The following SLC38A10 variants were observed in gnomAD, a reference collection of about 807,000 sequenced individuals.
The protein encoded by SLC38A10 is solute carrier family 38 member 10.
SLC38A10 carries 53 observed loss-of-function variants against 81.0 expected under a neutral mutation model. The ratio of observed to expected loss-of-function variants is 0.65; its 90% CI spans 0.53 to 0.82. The LOEUF is 0.82. Ranked by LOEUF, SLC38A10 falls within the 40% of genes least tolerant of loss-of-function variation. SLC38A10 has a pLI of 0.00. For missense variants in SLC38A10, 1,471 were observed against 1,545.0 expected, an observed-to-expected ratio of 0.95 and a Z score of 0.80; for synonymous variants, 665 against 655.3, an observed-to-expected ratio of 1.01 and a Z score of -0.23.
chr17:81,254,269 C>CT (rs2062952574), intron 11 of SLC38A10, among the ~76,000 whole-genome samples: 1 of 152,230 alleles, frequency 6.6e-6, no homozygotes, highest in South Asian at 2.1e-4. Flanking sequence ...ATTAGCTTAG[C>CT]TTTCTACCAG....
chr17:81,246,526 T>G lies in SLC38A10; in HGVS notation c.2390A>C (p.Asp797Ala). The change falls in exon 16 of 16, where the codon GAC becomes GCC. Residue 797 changes from aspartate (D) to alanine (A), a missense_variant. Asp to Ala is a moderately radical substitution (Grantham distance 126, BLOSUM62 -2). Transcript: ENST00000374759. ...APGGRPAPSQDLNQRSLEHSE... is the reference protein window; with the variant it reads ...APGGRPAPSQALNQRSLEHSE... ...GTGCTCCAGGGAGCGCTGGTTAAGG[T>G]CCTGGGATGGAGCAGGGCGGCCCCC... 1 of 1,525,176 alleles carries G rather than the reference T, an allele frequency of 6.6e-7. No homozygotes were observed. The highest frequency in any genetic ancestry group is 8.8e-7 in the Non-Finnish European group (1 of 1,138,592). 94.5% of individuals were successfully genotyped at this position (1,525,176 alleles called of 1,614,324 possible). A position where few individuals can be genotyped will look rare whatever the true frequency, so the allele number is the denominator to read the frequency against.
intron 4 of SLC38A10, 46 bp from the exon 5 acceptor site, chr17:81,282,378 C>A: frequency 6.4e-7 from 1 of 1,564,952 alleles, no homozygotes; most frequent in South Asian, 1.2e-5. Flanking sequence ...CGTGCCTGCT[C>A]ACCACCGGGC....
At chr17:81,257,461 T>A (rs906291220) in intron 11 of SLC38A10, among the ~76,000 whole-genome samples, 1 of 152,180 alleles carries the variant, frequency 6.6e-6, no homozygotes, top group African/African-American at 2.4e-5. Context: ...TAATTTTGTG[T>A]CATGTTTCTG....
intron 4 of SLC38A10, among the ~76,000 whole-genome samples, chr17:81,282,944 G>A (rs1171831515): frequency 6.6e-6 from 1 of 152,202 alleles, no homozygotes; most frequent in African/African-American, 2.4e-5. Context: ...CCCCGGCAGC[G>A]AGGGAAAGGT....
At position 81,276,185 on chromosome 17, in the gene SLC38A10, C is replaced by T; in HGVS notation, c.730-34G>A. On this transcript the variant is annotated intron_variant, in intron 7 of 15. Coordinates refer to ENST00000374759, the MANE Select transcript of SLC38A10 (RefSeq NM_001037984.3). This position sits in a 1 kb window ranked among gnomAD's most constrained non-coding sequence, Gnocchi z 4.7. ...GAATAAGAAATGGCAACGTGGCAGA[C>T]AGACATCCTAGCCGAGTGGCACCTG... is the stretch of plus-strand genomic sequence containing the variant. The T allele has an allele frequency of 1.3e-6, 2 of 1,572,560 alleles. No homozygotes were observed. The highest frequency in any genetic ancestry group is 1.7e-6 in the Non-Finnish European group (2 of 1,157,566).
chr17:81,271,154 A>G, intron 9 of SLC38A10, 130 bp from the exon 10 acceptor site: 1 of 724,952 alleles, frequency 1.4e-6, no homozygotes, highest in Middle Eastern at 2.5e-4. Flanking sequence ...GTGAGCCGGG[A>G]GCAGAGACGC....
chr17:81,287,524 CA>C (rs2063277679), intron 2 of SLC38A10, among the ~76,000 whole-genome samples: 1 of 152,242 alleles, frequency 6.6e-6, no homozygotes, highest in Non-Finnish European at 1.5e-5. Flanking sequence ...CAGCTGGGCC[CA>C]GGGGCCTCTG....
rs946617404 is a variant in SLC38A10, at chr17:81,246,999, C to A, written c.2128G>T (p.Val710Leu). ...VLLQVIKEQQ[V>L]QQKRLLDQQE... is the part of the protein sequence containing the mutation. ...TGGTCCAGCAAGCGCTTTTGCTGCA[C>A]CTGCTGTTCTTTGATCACCTGAAGC... is the stretch of plus-strand genomic sequence containing the variant. Residue 710 changes from valine (V) to leucine (L), a missense_variant, in exon 15 of 16, where the codon GTG becomes TTG. Val to Leu is a conservative substitution (Grantham distance 32). This residue lies in a region of SLC38A10 where 751 missense variants were observed against 717.4 expected (regional missense o/e 1.05). Transcript: ENST00000374759. 2.5e-6 allele frequency: 4 copies of A among 1,605,372 alleles called. No individual in the cohort carries two copies. Among genetic ancestry groups the A allele is most frequent in the Non-Finnish European group, 3.4e-6 (4 of 1,179,512 alleles).
At chr17:81,250,723 G>GGGCGGGT (rs2062902532) in intron 14 of SLC38A10, 1 of 642,816 alleles carries the variant, frequency 1.6e-6, no homozygotes, top group South Asian at 6.9e-5. Context: ...CACCCTCAGA[G>GGGCGGGT]GGCGGGTGGA....
chr17:81,281,798 C>CA lies in SLC38A10; in HGVS notation c.501+390dup, dbSNP rs1248786039. Among the ~76,000 whole-genome samples the CA allele has an allele frequency of 1.3e-5, 2 of 151,408 alleles. No homozygotes were observed. The highest frequency in any genetic ancestry group is 3.9e-4 in the East Asian group (2 of 5,166). On this transcript the variant is annotated intron_variant, in intron 5 of 15. Coordinates refer to ENST00000374759, the MANE Select transcript of SLC38A10 (RefSeq NM_001037984.3). This position sits in a 1 kb window ranked among gnomAD's most constrained non-coding sequence, Gnocchi z 5.3. ...CTCAAAAAACAAACAAACAAACAAA[C>CA]AACAATAGCTTGCCACCTTGTGTCA...
intron 10 of SLC38A10, among the ~76,000 whole-genome samples, chr17:81,266,301 CT>C (rs2063069572): frequency 6.6e-6 from 1 of 152,200 alleles, no homozygotes; most frequent in Non-Finnish European, 1.5e-5. Flanking sequence ...TCTAACTTCC[CT>C]TTACACAAAC....
rs200399623 is a variant in SLC38A10, at chr17:81,246,119, G to A, written c.2797C>T (p.Arg933Ter). The A allele has an allele frequency of 7.5e-6, 12 of 1,609,224 alleles. No homozygotes were observed. The Admixed American group carries it at 1.5e-4, about 20-fold the overall frequency. The change falls in exon 16 of 16, where the codon CGA becomes TGA. Residue 933 changes from arginine to a stop codon, truncating the protein, a stop_gained. Transcript: ENST00000374759. LOFTEE classifies it low-confidence loss of function (END_TRUNC). ...DPRMKPKQVSRDLGLAADLPG... is the reference protein window; with the variant it reads ...DPRMKPKQVS ...AGGTCCGCTGCAAGGCCCAGGTCTC[G>A]GCTCACTTGCTTGGGCTTCATGCGA...
At chr17:81,294,633 G>C (rs914804547) in intron 1 of SLC38A10, among the ~76,000 whole-genome samples, 190 bp downstream of exon 1, 3 of 152,200 alleles carry the variant, frequency 2.0e-5, no homozygotes, top group African/African-American at 7.2e-5. Context: ...CAGGGCCAAC[G>C]CCGTGCGCTT....
At chr17:81,247,732 T>C (rs2062866607) in intron 14 of SLC38A10, 1 of 150,712 alleles carries the variant, frequency 6.6e-6, no homozygotes, top group Non-Finnish European at 1.5e-5. Context: ...TCCCAGCTAC[T>C]CGGGGGGCAG....
chr17:81,248,966 G>A (rs1006610373), intron 14 of SLC38A10, among the ~76,000 whole-genome samples: 2 of 152,236 alleles, frequency 1.3e-5, no homozygotes, highest in Non-Finnish European at 2.9e-5. Context: ...AGGAGGAAGT[G>A]CAGGTGGCAG....
chr17:81,280,576 GA>G (rs1183476236), intron 6 of SLC38A10, 32 bp downstream of exon 6: 1 of 1,609,528 alleles, frequency 6.2e-7, no homozygotes, highest in South Asian at 1.1e-5. Flanking sequence ...CCCCGTCACA[GA>G]ACTCCACCAC....
rs2063296681 is a variant in SLC38A10 at position 81,289,829 on chromosome 17, C to T, written c.100-21G>A. ...CCGCACTGCAGGGTGGAGACAGGAA[C>T]ACATGTTCACAGCAGCAGGTGCTCC... On this transcript the variant is annotated intron_variant, in intron 1 of 15. Transcript: ENST00000374759. This position sits in a 1 kb window ranked among gnomAD's most constrained non-coding sequence, Gnocchi z 5.9. 1.3e-6 allele frequency: 2 copies of T among 1,558,394 alleles called. No homozygotes were observed. Among genetic ancestry groups the T allele is most frequent in the Non-Finnish European group, 8.7e-7 (1 of 1,151,870 alleles).
chr17:81,252,667 C>A lies in SLC38A10; in HGVS notation c.1473G>T (p.Val491=), dbSNP rs1464125776. Residue 491 remains valine (V), a synonymous_variant, in exon 13 of 16, where the codon GTG becomes GTT. Coordinates refer to ENST00000374759, the MANE Select transcript of SLC38A10 (RefSeq NM_001037984.3). ...DRPGQGIAVP[V]GEAHRHEPPV... ...GAGGCTCGTGGCGGTGGGCCTCGCC[C>A]ACAGGCACAGCAATCCCTGCAAGGG... The A allele has an allele frequency of 1.2e-6, 2 of 1,604,496 alleles. No individual in the cohort carries two copies. Among genetic ancestry groups the A allele is most frequent in the Non-Finnish European group, 1.7e-6 (2 of 1,178,392 alleles).
chr17:81,250,649 G>C (rs2062901845), intron 14 of SLC38A10, among the ~76,000 whole-genome samples: 1 of 152,244 alleles, frequency 6.6e-6, no homozygotes, highest in African/African-American at 2.4e-5. Context: ...TGACCATCTT[G>C]AGAGAAGGCT....
Sources: allele counts gnomAD v4.1 joint callset (sites outside exome capture counted in the v4.1 genomes callset), GRCh38; gene constraint gnomAD v4.1.1; regional missense constraint gnomAD v4.1.1; non-coding constraint Gnocchi (gnomAD v3.1); transcripts MANE v1.5; gene names NCBI Gene and HGNC (gene_info 2026-07-23, HGNC 2026-07-21).